The following RAP1A variants were observed in gnomAD, a reference collection of about 807,000 sequenced individuals.
RAP1A encodes ras-related protein Rap-1A.
In RAP1A, 6 loss-of-function variants were observed where a neutral mutation model predicts 26.4. That is an observed-to-expected ratio of 0.23 (90% confidence interval 0.12 to 0.45). The LOEUF (loss-of-function observed/expected upper bound fraction) is 0.45, where lower values mean the gene tolerates loss of function less well. Ranked by LOEUF, RAP1A falls within the 20% of genes least tolerant of loss-of-function variation. RAP1A has a pLI of 0.99. For missense variants in RAP1A, 121 were observed against 217.2 expected, an observed-to-expected ratio of 0.56 and a Z score of 2.78; for synonymous variants, 73 against 79.4, an observed-to-expected ratio of 0.92 and a Z score of 0.43.
intron 1 of RAP1A, among the ~76,000 whole-genome samples, chr1:111,631,786 T>C (rs190565394): frequency 1.3e-5 from 2 of 152,270 alleles, no homozygotes; most frequent in East Asian, 1.9e-4. Context: ...TTAACCTGTC[T>C]TTTTTTCCAT....
intron 1 of RAP1A, among the ~76,000 whole-genome samples, chr1:111,588,171 C>T (rs1658414654): frequency 6.6e-6 from 1 of 152,192 alleles, no homozygotes; most frequent in South Asian, 2.1e-4. Context: ...AAATGTGTCC[C>T]TTCCTTTAGA....
chr1:111,579,619 G>A (rs1463645788), intron 1 of RAP1A, among the ~76,000 whole-genome samples: 1 of 152,116 alleles, frequency 6.6e-6, no homozygotes, highest in Non-Finnish European at 1.5e-5. Context: ...TCACATTGTT[G>A]TAAGATGAAA....
intron 1 of RAP1A, among the ~76,000 whole-genome samples, chr1:111,572,314 T>C (rs1658065592): frequency 6.6e-6 from 1 of 152,270 alleles, no homozygotes; most frequent in South Asian, 2.1e-4. Flanking sequence ...CACAGCTTCC[T>C]ACCATTCAAG....
chr1:111,707,078 G>A (rs1275863082), intron 6 of RAP1A, among the ~76,000 whole-genome samples: 2 of 152,114 alleles, frequency 1.3e-5, no homozygotes, highest in Non-Finnish European at 2.9e-5. Context: ...CTACAATTTT[G>A]TTTATAAATT....
At chr1:111,691,497 TGCCAAAGAGAAAAGG>T in intron 2 of RAP1A, 80 bp downstream of exon 2, 1 of 1,309,372 alleles carries the variant, frequency 7.6e-7, no homozygotes, top group Non-Finnish European at 1.1e-6. Flanking sequence ...GACTTCTAGA[TGCCAAAGAGAAAAGG>T]TGGCATTATT....
intron 4 of RAP1A, among the ~76,000 whole-genome samples, chr1:111,699,479 T>TTTTTTG (rs374442188): frequency 4.3e-5 from 6 of 139,024 alleles, no homozygotes; most frequent in Admixed American, 3.0e-4. Context: ...TTTTTTTTTT[T>TTTTTTG]GAAACAGGGT....
intron 1 of RAP1A, among the ~76,000 whole-genome samples, chr1:111,543,565 G>T (rs1363714450): frequency 6.6e-6 from 1 of 151,696 alleles, no homozygotes; most frequent in Non-Finnish European, 1.5e-5. Context: ...ATGAACAGTA[G>T]ATTTTCCTCA....
intron 1 of RAP1A, among the ~76,000 whole-genome samples, chr1:111,689,693 G>A (rs897257613): frequency 2.0e-5 from 3 of 151,436 alleles, no homozygotes; most frequent in Non-Finnish European, 4.4e-5. Flanking sequence ...TTTTTGAGAC[G>A]CAGTCTCGCT....
intron 1 of RAP1A, among the ~76,000 whole-genome samples, chr1:111,675,125 A>G (rs572501885): frequency 6.6e-6 from 1 of 152,222 alleles, no homozygotes; most frequent in African/African-American, 2.4e-5. Context: ...TCTAAGCATT[A>G]TAGCTGAAAT....
At chr1:111,633,187 G>T (rs926401745) in intron 1 of RAP1A, among the ~76,000 whole-genome samples, 60 of 152,186 alleles carry the variant, frequency 3.9e-4, no homozygotes, top group African/African-American at 1.4e-3. Flanking sequence ...TTTGGTTCTT[G>T]GTATCCTCAA....
chr1:111,555,857 C>T (rs918764234), intron 1 of RAP1A, among the ~76,000 whole-genome samples: 12 of 151,986 alleles, frequency 7.9e-5, no homozygotes, highest in Non-Finnish European at 8.8e-5. Flanking sequence ...GATTTGGCAA[C>T]GATTTCTTGG....
intron 1 of RAP1A, among the ~76,000 whole-genome samples, chr1:111,663,086 G>A (rs1007293336): frequency 3.3e-5 from 5 of 152,066 alleles, no homozygotes; most frequent in Admixed American, 6.5e-5. Context: ...GTTAATTTTT[G>A]TATTTTTAGT....
intron 1 of RAP1A, among the ~76,000 whole-genome samples, chr1:111,594,559 AGGAG>A (rs1255841584): frequency 3.4e-5 from 4 of 117,940 alleles, no homozygotes; most frequent in Admixed American, 8.7e-5. Flanking sequence ...AAAGAAGGAA[AGGAG>A]GGAGGGAAGG....
chr1:111,564,512 CTT>C (rs577908974), intron 1 of RAP1A, among the ~76,000 whole-genome samples: 60,256 of 119,122 alleles, frequency 0.51, 14,139 homozygotes, highest in Admixed American at 0.54. Context: ...GACCCCAACT[CTT>C]TTTTTTTTTT....
chr1:111,584,365 G>C (rs1350717372), intron 1 of RAP1A, among the ~76,000 whole-genome samples: 1 of 152,054 alleles, frequency 6.6e-6, no homozygotes, highest in Non-Finnish European at 1.5e-5. Context: ...ACTGCTAATA[G>C]TTCTGGAGAC....
At chr1:111,569,147 A>C (rs899230536) in intron 1 of RAP1A, among the ~76,000 whole-genome samples, 3 of 152,144 alleles carry the variant, frequency 2.0e-5, no homozygotes, top group African/African-American at 7.2e-5. Flanking sequence ...TCACGCCTGT[A>C]ATCCCAGCAC....
intron 1 of RAP1A, among the ~76,000 whole-genome samples, chr1:111,650,802 TC>T (rs1382061974): frequency 6.6e-6 from 1 of 152,048 alleles, no homozygotes; most frequent in Non-Finnish European, 1.5e-5. Context: ...ATAGTTTCTT[TC>T]TTTTTTTTTT....
At chr1:111,670,249 A>T (rs1287292283) in intron 1 of RAP1A, among the ~76,000 whole-genome samples, 1 of 152,160 alleles carries the variant, frequency 6.6e-6, no homozygotes, top group Non-Finnish European at 1.5e-5. Context: ...AGGTGGGCAG[A>T]TAGCTTGAGC....
intron 1 of RAP1A, among the ~76,000 whole-genome samples, chr1:111,653,943 T>A (rs1015022573): frequency 6.6e-6 from 1 of 152,110 alleles, no homozygotes; most frequent in Non-Finnish European, 1.5e-5. Flanking sequence ...ACCAAGATAT[T>A]ATTTTGACAT....
Sources: allele counts gnomAD v4.1 joint callset (sites outside exome capture counted in the v4.1 genomes callset), GRCh38; gene constraint gnomAD v4.1.1; transcripts MANE v1.5; gene names NCBI Gene and HGNC (gene_info 2026-07-23, HGNC 2026-07-21).